The following EPHA5 variants were observed in gnomAD, a reference collection of about 807,000 sequenced individuals.
EPHA5 encodes the protein EPH receptor A5.
EPHA5 carries 60 observed loss-of-function variants against 105.0 expected under a neutral mutation model. The observed-to-expected ratio is 0.57, with a 90% CI of 0.46 to 0.71. The LOEUF (loss-of-function observed/expected upper bound fraction) is 0.71. EPHA5 is among the 30% of genes least tolerant of loss of function. The probability of loss-of-function intolerance (pLI) is 0.00; values close to 1 mark genes in which losing one functional copy is unlikely to be tolerated. For missense variants in EPHA5, 1,218 were observed against 1,274.7 expected (o/e 0.96, Z 0.68); for synonymous variants, 513 against 449.1 (o/e 1.14, Z -1.80).
chr4:65,499,304 C>T (rs1241081172), intron 3 of EPHA5, among the ~76,000 whole-genome samples: 5 of 151,652 alleles, frequency 3.3e-5, no homozygotes, highest in African/African-American at 1.2e-4. Flanking sequence ...TAGGAACCCC[C>T]ACTCTGCTCT....
At chr4:65,340,284 T>C (rs1267883003) in intron 14 of EPHA5, among the ~76,000 whole-genome samples, 1 of 152,116 alleles carries the variant, frequency 6.6e-6, no homozygotes, top group Non-Finnish European at 1.5e-5. Context: ...CATGTTGCGA[T>C]ATATATATAG....
chr4:65,378,546 G>A (rs1465725646), intron 8 of EPHA5, among the ~76,000 whole-genome samples: 3 of 151,790 alleles, frequency 2.0e-5, no homozygotes, highest in African/African-American at 7.3e-5. Context: ...ACAGAGCAAG[G>A]GCCAAATCCA....
chr4:65,430,616 A>G (rs1372507354), intron 5 of EPHA5, among the ~76,000 whole-genome samples: 1 of 152,110 alleles, frequency 6.6e-6, no homozygotes, highest in Non-Finnish European at 1.5e-5. Context: ...ATTAGGAAGT[A>G]GAAACTATTA....
chr4:65,601,593 A>T (rs1743727177), intron 3 of EPHA5, 48 bp downstream of exon 3: 1 of 1,551,910 alleles, frequency 6.4e-7, no homozygotes, highest in Non-Finnish European at 8.8e-7. Flanking sequence ...CATATACATG[A>T]TCCAACTGAA....
At position 65,573,435 on chromosome 4, in the gene EPHA5, A is replaced by AT. The variant is rs1384575286; in HGVS notation, c.910+28205_910+28206insA. On this transcript the variant is annotated intron_variant, in intron 3 of 16. Transcript: ENST00000613740. ...CAAAAAAAAAAAAAAAAAAAAAAAAAGAAGCTCTTTCCCATCTTGCAAGAT... is the reference window on the plus strand; with the variant it reads ...CAAAAAAAAAAAAAAAAAAAAAAAAATGAAGCTCTTTCCCATCTTGCAAGAT... 4.6e-6 allele frequency: 5 copies of AT among 1,088,358 alleles called. No individual in the cohort carries two copies. In the African/African-American group the frequency reaches 6.8e-5, roughly 15 times the overall value. 67.4% of individuals were successfully genotyped at this position (1,088,358 alleles called of 1,614,324 possible). A position where few individuals can be genotyped will look rare whatever the true frequency, so the allele number is the denominator to read the frequency against.
chr4:65,448,127 G>A (rs1726732434), intron 5 of EPHA5, among the ~76,000 whole-genome samples: 1 of 151,324 alleles, frequency 6.6e-6, no homozygotes, highest in Non-Finnish European at 1.5e-5. Flanking sequence ...AGACAACAGA[G>A]AAGAAAGTAA....
Position 65,669,839 on chromosome 4 carries a change from T to C in EPHA5, c.-97A>G. 1 of 1,232,582 alleles carries C rather than the reference T, an allele frequency of 8.1e-7. No individual in the cohort carries two copies. The highest frequency in any genetic ancestry group is 1.0e-6 in the Non-Finnish European group (1 of 988,654). The allele number at this position is 1,232,582 out of a possible 1,614,324, so 76.4% of individuals were successfully genotyped here. A position where few individuals can be genotyped will look rare whatever the true frequency, so the allele number is the denominator to read the frequency against. On this transcript the variant is annotated 5_prime_UTR_variant, in exon 1 of 17. Coordinates refer to ENST00000613740, the MANE Select transcript of EPHA5 (RefSeq NM_001281766.3). ...AAGGGAGACTCGGGAGTCCTCCTTG[T>C]CCCCCCTTGGGGTCCTACGCCTTCT... is the stretch of plus-strand genomic sequence containing the variant.
At chr4:65,471,135 G>T (rs1291473366) in intron 5 of EPHA5, among the ~76,000 whole-genome samples, 1 of 152,146 alleles carries the variant, frequency 6.6e-6, no homozygotes, top group Non-Finnish European at 1.5e-5. Flanking sequence ...TCTGGGGGCT[G>T]CCCGATTTGC....
intron 11 of EPHA5, among the ~76,000 whole-genome samples, chr4:65,353,357 T>C (rs1353307979): frequency 2.0e-5 from 3 of 148,910 alleles, no homozygotes; most frequent in Admixed American, 6.7e-5. Context: ...TTTTAAAGTA[T>C]TTTAAAACTA....
At chr4:65,573,837 A>G (rs1171991807) in intron 3 of EPHA5, 6 of 1,613,466 alleles carry the variant, frequency 3.7e-6, no homozygotes, top group Non-Finnish European at 5.1e-6. Flanking sequence ...AAAGCTGTTG[A>G]GCCACGGCAA....
In EPHA5 at chr4:65,321,013, T is replaced by A. The variant is rs910941451; in HGVS notation, c.*3101A>T. The A allele has an allele frequency of 4.3e-6, 1 of 230,344 alleles. No homozygotes were observed. Among genetic ancestry groups the A allele is most frequent in the Non-Finnish European group, 8.6e-6 (1 of 116,248 alleles). The allele number at this position is 230,344 out of a possible 1,614,324, so 14.3% of individuals were successfully genotyped here. The stretch of plus-strand genomic sequence containing the variant: ...ATCTTTACATAGAAATAGTACATTA[T>A]GAAAAGAGCAACTGGTTATATTAAT... On this transcript the variant is annotated 3_prime_UTR_variant, in exon 17 of 17. Coordinates refer to ENST00000613740, the MANE Select transcript of EPHA5 (RefSeq NM_001281766.3).
intron 8 of EPHA5, among the ~76,000 whole-genome samples, chr4:65,379,971 C>T (rs557557120): frequency 5.3e-4 from 80 of 151,752 alleles, no homozygotes; most frequent in Non-Finnish European, 8.4e-4. Flanking sequence ...TCTGAAGACG[C>T]TTTCACAGTA....
intron 3 of EPHA5, among the ~76,000 whole-genome samples, chr4:65,600,632 G>A (rs74351371): frequency 0.25 from 37,578 of 152,040 alleles, 5,530 homozygotes; most frequent in Middle Eastern, 0.4. Flanking sequence ...AAATGCACCT[G>A]AAGCTACCAG....
chr4:65,542,445 T>C (rs778139556), intron 3 of EPHA5, among the ~76,000 whole-genome samples: 5 of 152,010 alleles, frequency 3.3e-5, no homozygotes, highest in African/African-American at 9.7e-5. Context: ...CTGTAACACT[T>C]CTACTCAAAT....
At chr4:65,514,304 T>A (rs925127371) in intron 3 of EPHA5, among the ~76,000 whole-genome samples, 1 of 152,188 alleles carries the variant, frequency 6.6e-6, no homozygotes, top group African/African-American at 2.4e-5. Flanking sequence ...GTCCCCTGAA[T>A]CTGGCCATGC....
chr4:65,390,453 T>C (rs919500381), intron 8 of EPHA5, among the ~76,000 whole-genome samples: 2 of 152,034 alleles, frequency 1.3e-5, no homozygotes, highest in Non-Finnish European at 2.9e-5. Context: ...GTTTCTCTGA[T>C]GGCCCTGCAT....
chr4:65,537,463 G>T (rs1203986942), intron 3 of EPHA5, among the ~76,000 whole-genome samples: 1 of 151,662 alleles, frequency 6.6e-6, no homozygotes, highest in Non-Finnish European at 1.5e-5. Context: ...CTACCCTATA[G>T]AATATACTTC....
intron 2 of EPHA5, 140 bp from the exon 3 acceptor site, chr4:65,602,444 T>C (rs1743831924): frequency 1.6e-6 from 1 of 613,012 alleles, no homozygotes; most frequent in African/African-American, 1.9e-5. Flanking sequence ...CAGAAGGAAC[T>C]AGATATAAAG....
At chr4:65,330,266 T>C (rs1177476976) in intron 16 of EPHA5, among the ~76,000 whole-genome samples, 1 of 150,974 alleles carries the variant, frequency 6.6e-6, no homozygotes, top group Non-Finnish European at 1.5e-5. Flanking sequence ...TGAGAAGACA[T>C]AAGAGGTTAT....
Sources: gnomAD v4.1 joint callset for allele counts (sites outside exome capture counted in the v4.1 genomes callset) on GRCh38, gnomAD v4.1.1 for gene constraint, MANE v1.5 for transcripts, NCBI Gene and HGNC (gene_info 2026-07-23, HGNC 2026-07-21) for gene names.